The following LIPG variants were observed in gnomAD, a reference collection of about 807,000 sequenced individuals.
LIPG encodes lipase G, endothelial type, also known as endothelial lipase.
A neutral mutation model predicts 51.8 loss-of-function variants in LIPG; 34 were observed. The ratio of observed to expected loss-of-function variants is 0.66; its 90% confidence interval spans 0.50 to 0.87. The LOEUF (loss-of-function observed/expected upper bound fraction) is 0.87, where lower values mean the gene tolerates loss of function less well. Ranked by LOEUF, LIPG falls within the 40% of genes least tolerant of loss-of-function variation. The pLI, the probability that LIPG is intolerant of heterozygous loss-of-function variation, is 0.00. For missense variants in LIPG, 580 were observed against 652.7 expected (o/e 0.89, Z 1.21); for synonymous variants, 246 against 246.1 (o/e 1.00, Z 0.00).
At chr18:49,573,028 G>A (rs2084679730) in intron 4 of LIPG, among the ~76,000 whole-genome samples, 1 of 152,136 alleles carries the variant, frequency 6.6e-6, no homozygotes, top group Non-Finnish European at 1.5e-5. Context: ...GTCAGAGCAG[G>A]GCAGGCAGGC....
chr18:49,589,783 T>C (rs577752205), intron 9 of LIPG: 1 of 153,868 alleles, frequency 6.5e-6, no homozygotes, highest in African/African-American at 2.4e-5. Flanking sequence ...AAGGCTAAGA[T>C]ATTTATTCTT....
At chr18:49,584,396 A>C (rs1193571544) in intron 8 of LIPG, among the ~76,000 whole-genome samples, 3 of 152,196 alleles carry the variant, frequency 2.0e-5, no homozygotes, top group African/African-American at 4.8e-5. Context: ...AGATCTTTCT[A>C]TCAGCTCCTA....
chr18:49,587,106 T>TAA (rs11354327), intron 9 of LIPG, among the ~76,000 whole-genome samples: 27 of 128,520 alleles, frequency 2.1e-4, no homozygotes, highest in African/African-American at 6.2e-4. Context: ...CCATCTCTAC[T>TAA]AAAAAAAAAA....
At chr18:49,571,813 C>T (rs2084667361) in intron 4 of LIPG, among the ~76,000 whole-genome samples, 1 of 152,178 alleles carries the variant, frequency 6.6e-6, no homozygotes, top group African/African-American at 2.4e-5. Flanking sequence ...GAACCCCAAT[C>T]TTGCTTGGAC....
chr18:49,586,057 C>T (rs574752564), intron 8 of LIPG, among the ~76,000 whole-genome samples: 26 of 152,268 alleles, frequency 1.7e-4, no homozygotes, highest in African/African-American at 4.8e-4. Context: ...TACGTGGTCA[C>T]GCTAATCACA....
chr18:49,593,826 G>A lies in LIPG; in HGVS notation c.*3304G>A, dbSNP rs908168813. 4.6e-5 allele frequency: 7 copies of A among 152,140 alleles called. No individual in the cohort carries two copies. The highest frequency in any genetic ancestry group is 1.7e-4 in the African/African-American group (7 of 41,430). 9.4% of individuals were successfully genotyped at this position (152,140 alleles called of 1,614,324 possible). A position where few individuals can be genotyped will look rare whatever the true frequency, so the allele number is the denominator to read the frequency against. ...CTGGGAAATACAGTCTTTATTTAGG[G>A]TGCCCATGGGCCCTGCTGAAGATCC... On this transcript the variant is annotated 3_prime_UTR_variant, in exon 10 of 10. Transcript: ENST00000261292.
chr18:49,565,604 C>T, intron 2 of LIPG, 106 bp downstream of exon 2: 1 of 1,304,822 alleles, frequency 7.7e-7, no homozygotes, highest in Non-Finnish European at 1.1e-6. Flanking sequence ...CCCTCTTCCC[C>T]CCTTTCCTTG....
intron 4 of LIPG, among the ~76,000 whole-genome samples, chr18:49,573,892 G>A (rs1184659069): frequency 6.6e-6 from 1 of 152,156 alleles, no homozygotes; most frequent in South Asian, 2.1e-4. Context: ...GACATTTGGG[G>A]CCAGGTAAGG....
At chr18:49,573,100 T>C (rs979796605) in intron 4 of LIPG, among the ~76,000 whole-genome samples, 2 of 152,222 alleles carry the variant, frequency 1.3e-5, no homozygotes, top group African/African-American at 4.8e-5. Context: ...CCCCATCAGC[T>C]GCCTGCATTC....
At chr18:49,588,863 C>T (rs914993150) in intron 9 of LIPG, among the ~76,000 whole-genome samples, 4 of 152,120 alleles carry the variant, frequency 2.6e-5, no homozygotes, top group African/African-American at 9.7e-5. Flanking sequence ...AACAAGGGTA[C>T]TAGATAATAA....
In LIPG at chr18:49,592,766, T is replaced by A. The variant is rs1316579767; in HGVS notation, c.*2244T>A. ...CTTAATTGTATATAATGATGCTTTT[T>A]AAAAAATGCTATTTGGAAGACTATT... On this transcript the variant is annotated 3_prime_UTR_variant, in exon 10 of 10. Coordinates refer to ENST00000261292, the MANE Select transcript of LIPG (RefSeq NM_006033.4). The A allele has an allele frequency of 1.3e-5, 2 of 152,106 alleles. No individual in the cohort carries two copies. Among genetic ancestry groups the A allele is most frequent in the Non-Finnish European group, 2.9e-5 (2 of 68,032 alleles). 9.4% of individuals were successfully genotyped at this position (152,106 alleles called of 1,614,324 possible).
chr18:49,590,109 T>C, intron 9 of LIPG: 1 of 349,140 alleles, frequency 2.9e-6, no homozygotes, highest in Non-Finnish European at 5.5e-6. Flanking sequence ...GTGTCTCTCT[T>C]GTATTTCTAG....
rs1475199728 is a variant in LIPG at position 49,594,793 on chromosome 18, G to C, written c.*4271G>C. On this transcript the variant is annotated 3_prime_UTR_variant, in exon 10 of 10. Coordinates refer to ENST00000261292, the MANE Select transcript of LIPG (RefSeq NM_006033.4). The stretch of plus-strand genomic sequence containing the variant: ...TCTCTACCAGGACATTCTGAAACCA[G>C]GCTTGATAATGGCTGTAGGGAGTTG... 6.6e-6 allele frequency: 1 copy of C among 152,220 alleles called. No individual in the cohort carries two copies. Among genetic ancestry groups the C allele is most frequent in the African/African-American group, 2.4e-5 (1 of 41,452 alleles). 9.4% of individuals were successfully genotyped at this position (152,220 alleles called of 1,614,324 possible).
chr18:49,588,951 C>T (rs8088081), intron 9 of LIPG, among the ~76,000 whole-genome samples: 4,927 of 152,194 alleles, frequency 0.032, 261 homozygotes, highest in African/African-American at 0.11. Flanking sequence ...TTGTCATCAA[C>T]CCACTAGGCA....
At chr18:49,584,066 A>C (rs2143971635) in intron 8 of LIPG, among the ~76,000 whole-genome samples, 1 of 151,840 alleles carries the variant, frequency 6.6e-6, no homozygotes, top group South Asian at 2.1e-4. Context: ...GAGGAGGGGG[A>C]CTTCTCCTGG....
At position 49,567,494 on chromosome 18, in the gene LIPG, C is replaced by A. The variant is rs2000813; in HGVS notation, c.332C>A (p.Thr111Lys). 1.9e-6 allele frequency: 3 copies of A among 1,613,926 alleles called. No individual in the cohort carries two copies. The highest frequency in any genetic ancestry group is 2.5e-6 in the Non-Finnish European group (3 of 1,179,924). ...WLHKLVSALH[T>K]REKDANVVVV... ...CACAAACTCGTGTCAGCCCTGCACA[C>A]AAGAGAGAAAGACGCCAATGTAGTT... Residue 111 changes from threonine to lysine, a missense_variant, in exon 3 of 10, where the codon ACA becomes AAA. Physicochemically the swap from Thr to Lys is moderately conservative, Grantham distance 78. Transcript: ENST00000261292.
Position 49,586,751 on chromosome 18 carries a change from C to G in LIPG, c.1382C>G (p.Thr461Arg), listed in dbSNP as rs202190556. 4 of 1,612,850 alleles carry G rather than the reference C, an allele frequency of 2.5e-6. No individual in the cohort carries two copies. The Admixed American group carries it at 5.0e-5, about 20-fold the overall frequency. ...TGGTTTCTTTTCCCTCCTAGACTGA[C>G]ATTTTGTACAGAAGACCCTGAGAAC... ...VKSGETQRKLTFCTEDPENTS... is the reference protein window; with the variant it reads ...VKSGETQRKLRFCTEDPENTS... Residue 461 changes from threonine (T) to arginine (R), a missense_variant, in exon 9 of 10, where the codon ACA (threonine) becomes AGA (arginine). Transcript: ENST00000261292.
intron 6 of LIPG, 100 bp from the exon 7 acceptor site, chr18:49,582,262 C>G: frequency 1.3e-6 from 2 of 1,493,878 alleles, no homozygotes; most frequent in Non-Finnish European, 9.3e-7. Context: ...CAAAAGAACA[C>G]CAGCCCTAAA....
At chr18:49,587,553 AGT>A (rs1191518446) in intron 9 of LIPG, among the ~76,000 whole-genome samples, 2 of 114,780 alleles carry the variant, frequency 1.7e-5, no homozygotes, top group African/African-American at 7.1e-5. Context: ...TGGGTGACAG[AGT>A]GAGACTCCGT....
Sources: gnomAD v4.1 joint callset for allele counts (sites outside exome capture counted in the v4.1 genomes callset) on GRCh38, gnomAD v4.1.1 for gene constraint, MANE v1.5 for transcripts, NCBI Gene and HGNC (gene_info 2026-07-23, HGNC 2026-07-21) for gene names.